TM7SF3: variants seen among roughly 807,000 people sequenced by gnomAD.
TM7SF3 encodes seven span transmembrane protein.
TM7SF3 carries 60 observed loss-of-function variants against 65.5 expected under a neutral mutation model. The ratio of observed to expected loss-of-function variants is 0.92; its 90% confidence interval spans 0.74 to 1.14. TM7SF3 has a LOEUF of 1.14. Ranked by LOEUF, TM7SF3 falls within the 50% of genes most tolerant of loss-of-function variation. The probability of loss-of-function intolerance (pLI) is 0.00; values close to 1 mark genes in which losing one functional copy is unlikely to be tolerated. For missense variants in TM7SF3, 623 were observed against 684.8 expected (o/e 0.91, Z 1.01); for synonymous variants, 264 against 259.6 (o/e 1.02, Z -0.16).
chr12:27,000,483 G>A (rs1408189676), intron 2 of TM7SF3, among the ~76,000 whole-genome samples: 1 of 151,174 alleles, frequency 6.6e-6, no homozygotes, highest in Non-Finnish European at 1.5e-5. Context: ...TTTTTGAGAT[G>A]GAGTCTCGCT....
chr12:26,983,386 G>A, intron 6 of TM7SF3: 1 of 346,720 alleles, frequency 2.9e-6, no homozygotes, highest in South Asian at 2.3e-5. Flanking sequence ...AACTCTGGCT[G>A]TTAATTTGAT....
chr12:26,984,794 TA>T (rs1337862950), intron 6 of TM7SF3, among the ~76,000 whole-genome samples: 1 of 151,992 alleles, frequency 6.6e-6, no homozygotes, highest in Non-Finnish European at 1.5e-5. Flanking sequence ...GAATCTACGA[TA>T]AAACAAGACA....
intron 9 of TM7SF3, chr12:26,978,147 T>A: frequency 2.5e-6 from 1 of 404,514 alleles, no homozygotes; most frequent in East Asian, 7.8e-5. Context: ...AGATGATCAC[T>A]CTAACGGTCC....
chr12:27,006,373 G>C (rs998517106), intron 1 of TM7SF3, among the ~76,000 whole-genome samples: 1 of 151,604 alleles, frequency 6.6e-6, no homozygotes, highest in Non-Finnish European at 1.5e-5. Context: ...TCTTGACCTC[G>C]TGATCCGCCC....
intron 9 of TM7SF3, among the ~76,000 whole-genome samples, chr12:26,976,575 G>T (rs1323898366): frequency 6.6e-6 from 1 of 152,188 alleles, no homozygotes; most frequent in South Asian, 2.1e-4. Context: ...AACCAAGCAG[G>T]TCAACGCTCT....
In TM7SF3 at chr12:26,999,638, A is replaced by G. The variant is rs772715917; in HGVS notation, c.285T>C (p.Ser95=). 2 of 1,614,182 alleles carry G rather than the reference A, an allele frequency of 1.2e-6. No homozygotes were observed. The highest frequency in any genetic ancestry group is 8.5e-7 in the Non-Finnish European group (1 of 1,180,032). The change falls in exon 3 of 12, where the codon AGT becomes AGC. Residue 95 remains serine (S), a synonymous_variant. Coordinates refer to ENST00000343028, the MANE Select transcript of TM7SF3 (RefSeq NM_016551.3). ...CTGGTCTAAGGATGAAAACCAGTCC[A>G]CTGGCAGTGCCTGTTTCCGAGGAAT... ...LSNSSETGTA[S]GLVFILRPEQ...
At chr12:27,001,308 G>A (rs1940822440) in intron 2 of TM7SF3, among the ~76,000 whole-genome samples, 1 of 152,172 alleles carries the variant, frequency 6.6e-6, no homozygotes, top group Non-Finnish European at 1.5e-5. Flanking sequence ...TAGAAATCAA[G>A]GCCCAAGATG....
At chr12:26,999,824 A>G in intron 2 of TM7SF3, 148 bp from the exon 3 acceptor site, 1 of 741,850 alleles carries the variant, frequency 1.3e-6, no homozygotes, top group Non-Finnish European at 2.1e-6. Flanking sequence ...AATTCTTTTC[A>G]TCTCTATGTT....
At chr12:27,004,778 T>G (rs1445486480) in intron 1 of TM7SF3, among the ~76,000 whole-genome samples, 2 of 152,186 alleles carry the variant, frequency 1.3e-5, no homozygotes, top group African/African-American at 4.8e-5. Flanking sequence ...AAAAAAATGA[T>G]AGAATAAAAC....
Position 26,980,559 on chromosome 12 carries a change from C to T in TM7SF3, c.1036+7G>A, listed in dbSNP as rs574489442. ...ATACCCAGTTAAACTATATAATTTTCACTTACCATCATACTTGATAGGTGT... is the reference window on the plus strand; with the variant it reads ...ATACCCAGTTAAACTATATAATTTTTACTTACCATCATACTTGATAGGTGT... On this transcript the variant is annotated splice_region_variant and intron_variant, in intron 8 of 11. Transcript: ENST00000343028. The T allele has an allele frequency of 2.4e-5, 33 of 1,381,324 alleles. No individual in the cohort carries two copies. The South Asian group carries it at 3.9e-4, about 16-fold the overall frequency. The allele number at this position is 1,381,324 out of a possible 1,614,324, so 85.6% of individuals were successfully genotyped here.
chr12:26,996,634 C>A, intron 4 of TM7SF3, 108 bp downstream of exon 4: 1 of 1,185,614 alleles, frequency 8.4e-7, no homozygotes, highest in South Asian at 1.7e-5. Flanking sequence ...CAAAAATTAA[C>A]TCAATTTTAC....
chr12:27,013,821 T>C (rs1941337653), intron 1 of TM7SF3, among the ~76,000 whole-genome samples: 1 of 152,142 alleles, frequency 6.6e-6, no homozygotes, highest in Non-Finnish European at 1.5e-5. Context: ...GAGATAATAC[T>C]GTGTTAAAAA....
chr12:26,994,181 A>G (rs1177830835), intron 5 of TM7SF3, among the ~76,000 whole-genome samples: 1 of 152,210 alleles, frequency 6.6e-6, no homozygotes, highest in African/African-American at 2.4e-5. Flanking sequence ...GCAACTAATA[A>G]ACTTTACTAA....
chr12:26,995,882 C>T (rs921429618), intron 4 of TM7SF3, among the ~76,000 whole-genome samples: 2 of 152,172 alleles, frequency 1.3e-5, no homozygotes. Context: ...AGTTTATAAG[C>T]CACCCAGTCT....
intron 1 of TM7SF3, among the ~76,000 whole-genome samples, chr12:27,011,593 T>A (rs1941245905): frequency 6.6e-6 from 1 of 152,262 alleles, no homozygotes; most frequent in Non-Finnish European, 1.5e-5. Flanking sequence ...TTCTTCAGTT[T>A]GTATGGTTAT....
At chr12:26,994,212 A>T (rs1467837420) in intron 5 of TM7SF3, among the ~76,000 whole-genome samples, 1 of 152,232 alleles carries the variant, frequency 6.6e-6, no homozygotes, top group Non-Finnish European at 1.5e-5. Context: ...TATTTTGTGA[A>T]TAAGCACAAT....
intron 9 of TM7SF3, 37 bp from the exon 10 acceptor site, chr12:26,976,394 C>A (rs778557898): frequency 7.0e-7 from 1 of 1,432,844 alleles, no homozygotes; most frequent in Admixed American, 1.7e-5. Context: ...TAAACAACAG[C>A]TTTACCAAGT....
intron 1 of TM7SF3, among the ~76,000 whole-genome samples, chr12:27,006,325 G>A (rs1005107738): frequency 1.3e-5 from 2 of 151,108 alleles, no homozygotes; most frequent in African/African-American, 4.9e-5. Context: ...TTTTAGTAGG[G>A]ACTGGGTTTC....
Position 26,975,692 on chromosome 12 carries a change from A to G in TM7SF3, c.1288-34T>C, listed in dbSNP as rs778607290. ...GAGTGGAAGAGTTTAGGCATCATCCATGTTAGAACAAAAATAGTTTATAAC... is the reference window on the plus strand; with the variant it reads ...GAGTGGAAGAGTTTAGGCATCATCCGTGTTAGAACAAAAATAGTTTATAAC... On this transcript the variant is annotated intron_variant, in intron 10 of 11. Coordinates refer to ENST00000343028, the MANE Select transcript of TM7SF3 (RefSeq NM_016551.3). The G allele has an allele frequency of 1.4e-5, 23 of 1,607,716 alleles. No individual in the cohort carries two copies. The East Asian group carries it at 4.7e-4, about 33-fold the overall frequency.
Sources: allele counts gnomAD v4.1 joint callset (sites outside exome capture counted in the v4.1 genomes callset), GRCh38; gene constraint gnomAD v4.1.1; transcripts MANE v1.5; gene names NCBI Gene and HGNC (gene_info 2026-07-23, HGNC 2026-07-21).